The following FCHSD2 variants were observed in gnomAD, a reference collection of about 807,000 sequenced individuals.
FCHSD2 encodes the protein FCH and double SH3 domains 2, also known as F-BAR and double SH3 domains protein 2.
Under a neutral mutation model 108.1 loss-of-function variants are expected in FCHSD2, and 38 were observed. The observed-to-expected ratio is 0.35, with a 90% CI of 0.27 to 0.46. The LOEUF (loss-of-function observed/expected upper bound fraction) is 0.46. Ranked by LOEUF, FCHSD2 falls within the 20% of genes least tolerant of loss-of-function variation. The pLI, the probability that FCHSD2 is intolerant of heterozygous loss-of-function variation, is 1.00. For missense variants in FCHSD2, 751 were observed against 897.8 expected (o/e 0.84, Z 2.09); for synonymous variants, 279 against 314.7 (o/e 0.89, Z 1.20).
At chr11:73,074,361 G>A (rs147027575) in intron 3 of FCHSD2, among the ~76,000 whole-genome samples, 3 of 152,276 alleles carry the variant, frequency 2.0e-5, no homozygotes, top group African/African-American at 7.2e-5. Flanking sequence ...TATAAAATAT[G>A]TGCAAGCATA....
intron 13 of FCHSD2, among the ~76,000 whole-genome samples, chr11:72,854,339 G>T (rs1455793914): frequency 3.3e-5 from 5 of 152,220 alleles, no homozygotes; most frequent in Non-Finnish European, 5.9e-5. Flanking sequence ...ATTGAGAGAT[G>T]AATGGATAAG....
chr11:73,046,776 T>C (rs1184044294), intron 3 of FCHSD2, among the ~76,000 whole-genome samples: 1 of 152,164 alleles, frequency 6.6e-6, no homozygotes, highest in East Asian at 1.9e-4. Flanking sequence ...AAGACAGGGA[T>C]TTCACCATGT....
chr11:72,979,188 G>A (rs543255735), intron 8 of FCHSD2, among the ~76,000 whole-genome samples: 42 of 152,000 alleles, frequency 2.8e-4, no homozygotes, highest in African/African-American at 9.9e-4. Context: ...GTGTGAAAAC[G>A]AACTAATACA....
At chr11:72,861,931 CAAAA>C (rs35078687) in intron 13 of FCHSD2, among the ~76,000 whole-genome samples, 5 of 109,568 alleles carry the variant, frequency 4.6e-5, no homozygotes, top group Admixed American at 1.9e-4. Flanking sequence ...AACGCCGTCT[CAAAA>C]AAAAAAAAAA....
chr11:72,983,535 A>G (rs538939875), intron 8 of FCHSD2, among the ~76,000 whole-genome samples: 2 of 152,286 alleles, frequency 1.3e-5, no homozygotes, highest in East Asian at 3.9e-4. Context: ...AATTGTAGTT[A>G]ATAAAAAATT....
At chr11:73,095,862 C>T (rs1860060806) in intron 2 of FCHSD2, among the ~76,000 whole-genome samples, 1 of 151,498 alleles carries the variant, frequency 6.6e-6, no homozygotes, top group African/African-American at 2.4e-5. Context: ...AGAGAGCCTA[C>T]ACTATGAACA....
chr11:73,127,367 T>C (rs75645317), intron 2 of FCHSD2, among the ~76,000 whole-genome samples: 3,390 of 152,154 alleles, frequency 0.022, 132 homozygotes, highest in African/African-American at 0.076. Flanking sequence ...TTAACAAAAA[T>C]ACCAGCTAAG....
intron 8 of FCHSD2, among the ~76,000 whole-genome samples, chr11:72,983,131 A>G (rs568954296): frequency 1.3e-5 from 2 of 152,002 alleles, no homozygotes; most frequent in African/African-American, 2.4e-5. Flanking sequence ...CGTCTCTACT[A>G]AAAATACAAA....
chr11:73,012,171 T>G (rs755116806), intron 4 of FCHSD2, among the ~76,000 whole-genome samples: 23 of 152,158 alleles, frequency 1.5e-4, no homozygotes, highest in Non-Finnish European at 2.8e-4. Context: ...ATCAATACTA[T>G]GGCACTAAAG....
At chr11:72,931,690 G>A (rs1481540094) in intron 8 of FCHSD2, among the ~76,000 whole-genome samples, 7 of 151,920 alleles carry the variant, frequency 4.6e-5, no homozygotes, top group Admixed American at 1.3e-4. Context: ...GCTTGGACCC[G>A]GGAGGTGGAG....
chr11:72,889,904 G>A lies in FCHSD2; in HGVS notation c.966C>T (p.His322=). The A allele has an allele frequency of 1.2e-6, 2 of 1,613,372 alleles. No individual in the cohort carries two copies. Among genetic ancestry groups the A allele is most frequent in the Non-Finnish European group, 1.7e-6 (2 of 1,179,396 alleles). ...LESETGTTEE[H]SLNKEARKWA... is the part of the protein sequence containing the mutation. ...ATTTTCGAGCTTCCTTATTTAGACTGTGCTCCTCTGTGGTCCCAGTTTCTG... is the reference window on the plus strand; with the variant it reads ...ATTTTCGAGCTTCCTTATTTAGACTATGCTCCTCTGTGGTCCCAGTTTCTG... The change falls in exon 11 of 20, where the codon CAC becomes CAT. Residue 322 remains histidine, a synonymous_variant. Coordinates refer to ENST00000409418, the MANE Select transcript of FCHSD2 (RefSeq NM_014824.3).
intron 12 of FCHSD2, among the ~76,000 whole-genome samples, chr11:72,884,659 A>AC (rs1289833610): frequency 6.6e-6 from 1 of 151,718 alleles, no homozygotes; most frequent in Non-Finnish European, 1.5e-5. Context: ...AAGCTGGAGT[A>AC]CAGTGGTCCA....
chr11:72,956,081 G>A (rs1278232300), intron 8 of FCHSD2, among the ~76,000 whole-genome samples: 2 of 152,172 alleles, frequency 1.3e-5, no homozygotes, highest in Non-Finnish European at 2.9e-5. Context: ...GAGAGGAAGT[G>A]CTCAGAGAAC....
At chr11:72,853,846 A>C (rs1044610184) in intron 13 of FCHSD2, among the ~76,000 whole-genome samples, 3 of 152,230 alleles carry the variant, frequency 2.0e-5, no homozygotes, top group Admixed American at 1.3e-4. Flanking sequence ...AATATCCAGA[A>C]TATATAAAGA....
intron 2 of FCHSD2, among the ~76,000 whole-genome samples, chr11:73,115,367 C>T (rs955386418): frequency 2.6e-5 from 4 of 152,156 alleles, no homozygotes; most frequent in African/African-American, 9.7e-5. Context: ...GTATTTTTAG[C>T]AGAGATGGGG....
At chr11:72,901,534 G>A (rs1855525976) in intron 10 of FCHSD2, among the ~76,000 whole-genome samples, 1 of 152,062 alleles carries the variant, frequency 6.6e-6, no homozygotes, top group Admixed American at 6.5e-5. Flanking sequence ...TGCTTAATGG[G>A]GTCAGGATTT....
chr11:72,895,406 T>C (rs1855397403), intron 10 of FCHSD2, among the ~76,000 whole-genome samples: 1 of 152,202 alleles, frequency 6.6e-6, no homozygotes, highest in Admixed American at 6.5e-5. Context: ...CATAAAAACC[T>C]TGCGTCTAAC....
intron 12 of FCHSD2, among the ~76,000 whole-genome samples, chr11:72,871,834 C>T (rs1001787225): frequency 6.6e-6 from 1 of 150,458 alleles, no homozygotes; most frequent in Non-Finnish European, 1.5e-5. Flanking sequence ...TCAAGCAATC[C>T]TCCTATCTTG....
intron 10 of FCHSD2, 32 bp from the exon 11 acceptor site, chr11:72,889,977 A>G: frequency 7.4e-7 from 1 of 1,359,868 alleles, no homozygotes; most frequent in Non-Finnish European, 1.1e-6. Context: ...AGATAAAAAT[A>G]TTGCTATCCT....
Sources: gnomAD v4.1 joint callset for allele counts (sites outside exome capture counted in the v4.1 genomes callset) on GRCh38, gnomAD v4.1.1 for gene constraint, MANE v1.5 for transcripts, NCBI Gene and HGNC (gene_info 2026-07-23, HGNC 2026-07-21) for gene names.